The following DYNC2H1 variants were observed in gnomAD, a reference collection of about 807,000 sequenced individuals.
The protein encoded by DYNC2H1 is dynein cytoplasmic 2 heavy chain 1, also known as cytoplasmic dynein 2 heavy chain 1.
Under a neutral mutation model 570.0 loss-of-function variants are expected in DYNC2H1, and 410 were observed. That is an observed-to-expected ratio of 0.72 (90% CI 0.66 to 0.78). The LOEUF (loss-of-function observed/expected upper bound fraction) is 0.78, where lower values mean the gene tolerates loss of function less well. DYNC2H1 is among the 30% of genes least tolerant of loss of function. DYNC2H1 has a pLI of 0.00. For synonymous variants in DYNC2H1, 1,688 were observed against 1,677.6 expected, an observed-to-expected ratio of 1.01 and a Z score of -0.15; for missense variants, 4,865 against 5,046.4, an observed-to-expected ratio of 0.96 and a Z score of 1.09.
At chr11:103,200,404 A>G (rs1014732200) in intron 50 of DYNC2H1, among the ~76,000 whole-genome samples, 3 of 152,178 alleles carry the variant, frequency 2.0e-5, no homozygotes, top group Non-Finnish European at 4.4e-5. Context: ...TGACTTTTAC[A>G]TATACTTTTG....
intron 22 of DYNC2H1, among the ~76,000 whole-genome samples, chr11:103,154,199 T>C (rs1860700315): frequency 6.6e-6 from 1 of 151,934 alleles, no homozygotes; most frequent in African/African-American, 2.4e-5. Context: ...TTTTGACTTC[T>C]TTGGAAAAAA....
chr11:103,182,997 T>A (rs1861915547), intron 40 of DYNC2H1, among the ~76,000 whole-genome samples: 1 of 151,908 alleles, frequency 6.6e-6, no homozygotes, highest in African/African-American at 2.4e-5. Flanking sequence ...TAGCTCCTAG[T>A]CTGACTGAGC....
intron 83 of DYNC2H1, among the ~76,000 whole-genome samples, chr11:103,382,470 C>G (rs958405542): frequency 1.3e-5 from 2 of 152,112 alleles, no homozygotes; most frequent in Admixed American, 6.5e-5. Flanking sequence ...TCTTAGGTTG[C>G]TGAACTAAAA....
chr11:103,433,890 A>C (rs1001712597), intron 84 of DYNC2H1, among the ~76,000 whole-genome samples: 3 of 152,172 alleles, frequency 2.0e-5, no homozygotes, highest in African/African-American at 7.2e-5. Flanking sequence ...ATGGTAGGAC[A>C]GGCATAGGGT....
chr11:103,382,496 A>C (rs1409994921), intron 83 of DYNC2H1, among the ~76,000 whole-genome samples: 1 of 152,228 alleles, frequency 6.6e-6, no homozygotes, highest in African/African-American at 2.4e-5. Flanking sequence ...TTTAAAATTG[A>C]TAATTTCTTC....
In DYNC2H1 at chr11:103,135,560, GGAGCATCAGTACCAGATGGGCTTA is replaced by G; in HGVS notation, c.2274_2297del (p.His759_Glu766del). On this transcript the variant is annotated inframe_deletion, in exon 16 of 89. Transcript: ENST00000375735. Reference sequence around the variant, plus strand: ...GGAATCATCAACTGTACAAAGCTCTGGAGCATCAGTACCAGATGGGCTTAGAAGCACTTAATGAGAATTTGCCAG... The same window carrying G: ...GGAATCATCAACTGTACAAAGCTCTGGAAGCACTTAATGAGAATTTGCCAG... The G allele has an allele frequency of 6.2e-7, 1 of 1,612,786 alleles. No homozygotes were observed.
chr11:103,204,896 A>T lies in DYNC2H1; in HGVS notation c.8386A>T (p.Asn2796Tyr), dbSNP rs750177104. The T allele has an allele frequency of 5.6e-6, 9 of 1,594,206 alleles. No individual in the cohort carries two copies. The highest frequency in any genetic ancestry group is 6.8e-6 in the Non-Finnish European group (8 of 1,169,044). Reference sequence around the variant, plus strand: ...AAACTTCATGATAAACTGTGAGAGTAATCCAGCTTTGCATAAGAAATGCCA... The same window carrying T: ...AAACTTCATGATAAACTGTGAGAGTTATCCAGCTTTGCATAAGAAATGCCA... The part of the protein sequence containing the change: ...NSNFMINCES[N>Y]PALHKKCQVL... The change falls in exon 52 of 89, where the codon AAT becomes TAT. Residue 2796 changes from asparagine (N) to tyrosine (Y), a missense_variant. By Grantham distance (143) the Asn-to-Tyr change is moderately radical (BLOSUM62 -2). Around this residue, in one of 5 missense-constraint regions of DYNC2H1, gnomAD observed 2,401 missense variants for 2,454.6 expected, o/e 0.98. Coordinates refer to ENST00000375735, the MANE Select transcript of DYNC2H1 (RefSeq NM_001377.3). The surrounding 1 kb of genome is among the most constrained non-coding windows in gnomAD (Gnocchi z 4.1).
intron 84 of DYNC2H1, among the ~76,000 whole-genome samples, chr11:103,415,853 A>C (rs896459324): frequency 6.6e-6 from 1 of 152,234 alleles, no homozygotes. Flanking sequence ...ATGCGCACAT[A>C]TGTTTATTGC....
chr11:103,133,651 C>G lies in DYNC2H1; in HGVS notation c.2050C>G (p.Arg684Gly). 1.2e-6 allele frequency: 2 copies of G among 1,613,074 alleles called. No homozygotes were observed. The highest frequency in any genetic ancestry group is 1.7e-6 in the Non-Finnish European group (2 of 1,179,572). ...YIQKLQNAAERLATENRKLRK... is the reference protein window; with the variant it reads ...YIQKLQNAAEGLATENRKLRK... ...CCAAAAACTCCAAAATGCTGCTGAA[C>G]GGCTTGCCACTGAAAATAGAAAACT... The change falls in exon 14 of 89, where the codon CGG becomes GGG. Residue 684 changes from arginine to glycine, a missense_variant. Around this residue, in one of 5 missense-constraint regions of DYNC2H1, gnomAD observed 1,936 missense variants for 1,962.1 expected, o/e 0.99. Transcript: ENST00000375735. This position sits in a 1 kb window ranked among gnomAD's most constrained non-coding sequence, Gnocchi z 4.8.
intron 30 of DYNC2H1, among the ~76,000 whole-genome samples, chr11:103,164,121 A>G (rs1347046110): frequency 6.6e-6 from 1 of 152,194 alleles, no homozygotes; most frequent in African/African-American, 2.4e-5. Flanking sequence ...AATGTTTCCT[A>G]GTACTCTGTC....
chr11:103,384,931 G>T (rs1053096301), intron 83 of DYNC2H1, among the ~76,000 whole-genome samples: 11 of 151,978 alleles, frequency 7.2e-5, no homozygotes, highest in African/African-American at 2.7e-4. Context: ...CCTTTAATTT[G>T]CCCTCTGTCT....
rs929905706 is a variant in DYNC2H1, at chr11:103,347,645, G to T, written c.12040-10598G>T. Among the ~76,000 whole-genome samples the T allele has an allele frequency of 2.0e-5, 3 of 152,096 alleles. No homozygotes were observed. In the South Asian group the frequency reaches 6.2e-4, roughly 31 times the overall value. On this transcript the variant is annotated intron_variant, in intron 82 of 88. Coordinates refer to ENST00000375735, the MANE Select transcript of DYNC2H1 (RefSeq NM_001377.3). ...TCAGTTTTTGTGTATCTTTGAAAAT[G>T]TTCATAGTAAAATTAATATTTAAAA... is the stretch of plus-strand genomic sequence containing the variant.
At chr11:103,430,146 G>A (rs1943835867) in intron 84 of DYNC2H1, among the ~76,000 whole-genome samples, 1 of 152,068 alleles carries the variant, frequency 6.6e-6, no homozygotes, top group Admixed American at 6.6e-5. Flanking sequence ...ATAGAGAAGG[G>A]AGGAAAATTC....
rs1402550392 is a variant in DYNC2H1, at chr11:103,249,973, C to T, written c.10043-3312C>T. Among the ~76,000 whole-genome samples, 1 of 152,046 alleles carries T rather than the reference C, an allele frequency of 6.6e-6. No homozygotes were observed. Among genetic ancestry groups the T allele is most frequent in the Non-Finnish European group, 1.5e-5 (1 of 67,958 alleles). On this transcript the variant is annotated intron_variant, in intron 65 of 88. Coordinates refer to ENST00000375735, the MANE Select transcript of DYNC2H1 (RefSeq NM_001377.3). The surrounding 1 kb of genome is among the most constrained non-coding windows in gnomAD (Gnocchi z 4.6). ...TAAATCGCCTAACACAAGCCAAAAT[C>T]CTCTAACAAGCCTCTATTAAGTCCT...
chr11:103,412,946 C>T (rs1943142790), intron 84 of DYNC2H1, among the ~76,000 whole-genome samples: 2 of 152,082 alleles, frequency 1.3e-5, no homozygotes, highest in Non-Finnish European at 2.9e-5. Flanking sequence ...GTGTGGTCTC[C>T]AGACCAATAT....
At chr11:103,188,449 A>G (rs762784110) in intron 43 of DYNC2H1, 48 bp from the exon 44 acceptor site, 5 of 1,392,496 alleles carry the variant, frequency 3.6e-6, no homozygotes, top group Non-Finnish European at 4.9e-6. Context: ...TATCATGATT[A>G]GGAAATCTTA....
At position 103,203,786 on chromosome 11, in the gene DYNC2H1, A is replaced by G. The variant is rs376842066; in HGVS notation, c.8311+10A>G. The stretch of plus-strand genomic sequence containing the variant: ...AATTACTTCACATATAGTAAGTGAC[A>G]TAGAATTCATTAATCAAATCAAACT... On this transcript the variant is annotated intron_variant, in intron 51 of 88. Transcript: ENST00000375735. The surrounding 1 kb of genome is among the most constrained non-coding windows in gnomAD (Gnocchi z 4.7). 4.7e-5 allele frequency: 73 copies of G among 1,537,074 alleles called. 1 individual carries two copies. In the African/African-American group the frequency reaches 5.9e-4, roughly 12 times the overall value.
chr11:103,143,412 T>A lies in DYNC2H1; in HGVS notation c.2702+17T>A. 1 of 1,596,726 alleles carries A rather than the reference T, an allele frequency of 6.3e-7. No homozygotes were observed. The highest frequency in any genetic ancestry group is 2.2e-5 in the East Asian group (1 of 44,608). On this transcript the variant is annotated intron_variant, in intron 18 of 88. Transcript: ENST00000375735. The stretch of plus-strand genomic sequence containing the variant: ...ACTTCCAAGGTATTGGAGGTTAATG[T>A]AGTACTTACGTACCATAATAATTTT...
chr11:103,365,387 CT>C (rs1264779938), intron 83 of DYNC2H1, among the ~76,000 whole-genome samples: 2 of 151,960 alleles, frequency 1.3e-5, no homozygotes, highest in Non-Finnish European at 1.5e-5. Flanking sequence ...GTGTATTGGC[CT>C]TTTGTAATTA....
Sources: gnomAD v4.1 joint callset for allele counts (sites outside exome capture counted in the v4.1 genomes callset) on GRCh38, gnomAD v4.1.1 for gene constraint, gnomAD v4.1.1 regional missense constraint, Gnocchi (gnomAD v3.1) non-coding constraint, MANE v1.5 for transcripts, NCBI Gene and HGNC (gene_info 2026-07-23, HGNC 2026-07-21) for gene names.